The following MIA2 variants were observed in gnomAD, a reference collection of about 807,000 sequenced individuals.
The protein encoded by MIA2 is melanoma inhibitory activity protein 2.
Under a neutral mutation model 167.8 loss-of-function variants are expected in MIA2, and 127 were observed. The ratio of observed to expected loss-of-function variants is 0.76; its 90% CI spans 0.66 to 0.88. The LOEUF is 0.88. Among genes scored for constraint, MIA2 ranks in the 40% least tolerant of loss-of-function variants. MIA2 has a pLI of 0.00. For missense variants in MIA2, 1,690 were observed against 1,624.7 expected (o/e 1.04, Z -0.69); for synonymous variants, 552 against 541.9 (o/e 1.02, Z -0.26).
intron 23 of MIA2, among the ~76,000 whole-genome samples, chr14:39,363,886 G>A (rs1031126715): frequency 1.3e-5 from 2 of 152,100 alleles, no homozygotes; most frequent in African/African-American, 4.8e-5. Flanking sequence ...AAAAGCTGAA[G>A]AGTAAAGCTT....
At chr14:39,338,141 G>T (rs971823236) in intron 25 of MIA2, among the ~76,000 whole-genome samples, 2 of 152,166 alleles carry the variant, frequency 1.3e-5, no homozygotes, top group Admixed American at 6.5e-5. Context: ...CACGAGGGAG[G>T]TGTTTTTGGT....
chr14:39,347,882 CGCTATCTCG>C, intron 27 of MIA2, 111 bp downstream of exon 27: 1 of 1,011,998 alleles, frequency 9.9e-7, no homozygotes, highest in Non-Finnish European at 1.4e-6. Context: ...AGTGCAGTGG[CGCTATCTCG>C]GCTCACTGCA....
At chr14:39,375,600 G>C (rs1462786455) in intron 23 of MIA2, among the ~76,000 whole-genome samples, 1 of 152,156 alleles carries the variant, frequency 6.6e-6, no homozygotes, top group Non-Finnish European at 1.5e-5. Context: ...AGGAGGCCAA[G>C]GCAAGAGAAT....
chr14:39,298,412 T>TA (rs2061738802), intron 13 of MIA2, among the ~76,000 whole-genome samples: 9 of 32,860 alleles, frequency 2.7e-4, no homozygotes, highest in Non-Finnish European at 3.8e-4. Flanking sequence ...CTGATTCTGT[T>TA]TTATATATAT....
intron 23 of MIA2, among the ~76,000 whole-genome samples, chr14:39,371,929 C>T (rs987619415): frequency 2.6e-5 from 4 of 151,962 alleles, no homozygotes; most frequent in Non-Finnish European, 5.9e-5. Context: ...TTAGTATTTA[C>T]TACTTCAGAA....
intron 13 of MIA2, 86 bp downstream of exon 13, chr14:39,295,115 C>G (rs1490135315): frequency 2.3e-6 from 2 of 875,282 alleles, no homozygotes; most frequent in African/African-American, 3.4e-5. Flanking sequence ...ATGCTAGGGA[C>G]AAGTATAGGC....
chr14:39,277,686 A>G (rs1262022355), intron 7 of MIA2, among the ~76,000 whole-genome samples: 1 of 16,376 alleles, frequency 6.1e-5, no homozygotes, highest in African/African-American at 2.4e-4. Context: ...ATATATATAT[A>G]TGTGTGTATA....
chr14:39,236,977 C>T lies in MIA2; in HGVS notation c.171C>T (p.Tyr57=), dbSNP rs116922408. ...ATTATAGAGGACCTGACTGCCGATA[C>T]CTGAACTTCACTAAGGGAGAAGAGA... is the stretch of plus-strand genomic sequence containing the variant. The part of the protein sequence containing the change: ...MRDYRGPDCR[Y]LNFTKGEEIS... Residue 57 remains tyrosine, a synonymous_variant, in exon 2 of 29, where the codon TAC becomes TAT. Coordinates refer to ENST00000640607, the MANE Select transcript of MIA2 (RefSeq NM_001329214.4). The T allele has an allele frequency of 1.2e-4, 188 of 1,613,940 alleles. No individual in the cohort carries two copies. The highest frequency in any genetic ancestry group is 1.5e-4 in the Non-Finnish European group (174 of 1,179,882).
Position 39,247,768 on chromosome 14 carries a change from T to C in MIA2, c.1194T>C (p.Asp398=). The change falls in exon 4 of 29, where the codon GAT becomes GAC. Residue 398 remains aspartate (D), a synonymous_variant. Coordinates refer to ENST00000640607, the MANE Select transcript of MIA2 (RefSeq NM_001329214.4). ...CCAAGGAAGATAAAATTATGTTAGA[T>C]GACAGGAAAAATGAAGAAGATGGTG... ...AYAKEDKIML[D]DRKNEEDGGA... 2 of 1,613,562 alleles carry C rather than the reference T, an allele frequency of 1.2e-6. No homozygotes were observed. Among genetic ancestry groups the C allele is most frequent in the Non-Finnish European group, 1.7e-6 (2 of 1,179,920 alleles).
At chr14:39,304,996 T>G (rs1239861832) in intron 17 of MIA2, among the ~76,000 whole-genome samples, 2 of 152,190 alleles carry the variant, frequency 1.3e-5, no homozygotes, top group Non-Finnish European at 2.9e-5. Context: ...CCATATGCGT[T>G]TGCATCAGAA....
At chr14:39,378,825 A>G (rs1210465220) in intron 23 of MIA2, among the ~76,000 whole-genome samples, 1 of 152,250 alleles carries the variant, frequency 6.6e-6, no homozygotes, top group Non-Finnish European at 1.5e-5. Flanking sequence ...TACCAAAAAA[A>G]TTAATGAAGA....
chr14:39,315,449 A>G (rs972605617), intron 20 of MIA2: 1 of 396,604 alleles, frequency 2.5e-6, no homozygotes, highest in Non-Finnish European at 4.4e-6. Context: ...CCTGTTGATT[A>G]TTACATAAAG....
intron 23 of MIA2, chr14:39,370,773 T>G (rs2074925365): frequency 6.5e-6 from 1 of 154,010 alleles, no homozygotes; most frequent in African/African-American, 2.4e-5. Context: ...TACAGTAGAC[T>G]TGAAAATTTC....
At chr14:39,277,503 G>T (rs1184425386) in intron 7 of MIA2, among the ~76,000 whole-genome samples, 1 of 150,852 alleles carries the variant, frequency 6.6e-6, no homozygotes, top group Non-Finnish European at 1.5e-5. Flanking sequence ...TCCAGCCTGG[G>T]TGACAGAGAG....
chr14:39,295,256 T>G (rs957434480), intron 13 of MIA2, among the ~76,000 whole-genome samples: 1 of 152,132 alleles, frequency 6.6e-6, no homozygotes, highest in African/African-American at 2.4e-5. Context: ...GCCAGGGCAT[T>G]TAGCATTTTG....
chr14:39,282,765 G>T (rs980005443), intron 9 of MIA2, among the ~76,000 whole-genome samples: 1 of 152,062 alleles, frequency 6.6e-6, no homozygotes, highest in South Asian at 2.1e-4. Flanking sequence ...TAGAGATGGG[G>T]TCTCCCTATG....
intron 6 of MIA2, chr14:39,265,319 T>C (rs1245105126): frequency 7.9e-6 from 9 of 1,136,152 alleles, no homozygotes; most frequent in Non-Finnish European, 1.2e-5. Context: ...GAATCTGAAA[T>C]CTTTCTCAAG....
chr14:39,311,185 T>G (rs1216184173), intron 18 of MIA2, among the ~76,000 whole-genome samples: 1 of 152,304 alleles, frequency 6.6e-6, no homozygotes, highest in East Asian at 1.9e-4. Flanking sequence ...AGTTTAAAAT[T>G]ATTTTAAATT....
Position 39,264,372 on chromosome 14 carries a change from G to A in MIA2, c.1887+11201G>A, listed in dbSNP as rs549926856. On this transcript the variant is annotated intron_variant, in intron 6 of 28. Coordinates refer to ENST00000640607, the MANE Select transcript of MIA2 (RefSeq NM_001329214.4). ...TGATGGGCACCTAGGGTGAGTCCAT[G>A]TCTTTGCTATTGTGAATAGTGCTGC... Among the ~76,000 whole-genome samples the A allele has an allele frequency of 2.0e-5, 3 of 152,298 alleles. No homozygotes were observed. The South Asian group carries it at 6.2e-4, about 32-fold the overall frequency.
Sources: allele counts gnomAD v4.1 joint callset (sites outside exome capture counted in the v4.1 genomes callset), GRCh38; gene constraint gnomAD v4.1.1; transcripts MANE v1.5; gene names NCBI Gene and HGNC (gene_info 2026-07-23, HGNC 2026-07-21).